The following KCNH1 variants were observed in gnomAD, a reference collection of about 807,000 sequenced individuals.
KCNH1 encodes potassium voltage-gated channel subfamily H member 1.
Under a neutral mutation model 69.2 loss-of-function variants are expected in KCNH1, and 27 were observed. That is an observed-to-expected ratio of 0.39 (90% CI 0.29 to 0.54). The LOEUF (loss-of-function observed/expected upper bound fraction) is 0.54. Among genes scored for constraint, KCNH1 ranks in the 20% least tolerant of loss-of-function variants. The pLI is 0.68. For synonymous variants in KCNH1, 456 were observed against 487.7 expected, an observed-to-expected ratio of 0.93 and a Z score of 0.86; for missense variants, 798 against 1,261.6, an observed-to-expected ratio of 0.63 and a Z score of 5.57.
At chr1:210,949,461 T>C (rs775868932) in intron 6 of KCNH1, among the ~76,000 whole-genome samples, 3 of 152,240 alleles carry the variant, frequency 2.0e-5, no homozygotes, top group African/African-American at 4.8e-5. Context: ...CTTTGCTTTA[T>C]TAAGCAAAGT....
chr1:210,716,123 G>C (rs1477564872), intron 10 of KCNH1, among the ~76,000 whole-genome samples: 2 of 152,074 alleles, frequency 1.3e-5, no homozygotes, highest in African/African-American at 4.8e-5. Context: ...TACTTGGGTA[G>C]ATCTTGCTTT....
intron 6 of KCNH1, among the ~76,000 whole-genome samples, chr1:210,978,493 C>A (rs1181235029): frequency 1.3e-5 from 2 of 152,126 alleles, no homozygotes; most frequent in African/African-American, 2.4e-5. Context: ...TCACACATTA[C>A]TGTTTCTTTG....
rs368207212 is a variant in KCNH1, at chr1:211,107,168, G to T, written c.203+86C>A. ...TGAATACACACTAAATGAGGTAAAG[G>T]CAATTCCCGAATGCAGTAAACCATT... On this transcript the variant is annotated intron_variant, in intron 2 of 10. Transcript: ENST00000271751. 223 of 1,462,696 alleles carry T rather than the reference G, an allele frequency of 1.5e-4. No homozygotes were observed. In the African/African-American group the frequency reaches 2.8e-3, roughly 18 times the overall value. The allele number at this position is 1,462,696 out of a possible 1,614,324, so 90.6% of individuals were successfully genotyped here. A position where few individuals can be genotyped will look rare whatever the true frequency, so the allele number is the denominator to read the frequency against.
chr1:210,982,629 A>G (rs943912137), intron 6 of KCNH1, among the ~76,000 whole-genome samples: 3 of 152,030 alleles, frequency 2.0e-5, no homozygotes, highest in Non-Finnish European at 4.4e-5. Flanking sequence ...ATAGTATTCC[A>G]TGGTGTATAT....
At chr1:211,084,400 C>T (rs1558597945) in intron 4 of KCNH1, among the ~76,000 whole-genome samples, 3 of 150,272 alleles carry the variant, frequency 2.0e-5, no homozygotes, top group South Asian at 2.1e-4. Context: ...CCACCACCAG[C>T]GTGATCTATA....
intron 7 of KCNH1, among the ~76,000 whole-genome samples, chr1:210,855,570 A>ACAGCTAAGTG (rs1166473493): frequency 1.3e-5 from 2 of 152,174 alleles, no homozygotes; most frequent in African/African-American, 4.8e-5. Flanking sequence ...AAAACACAGA[A>ACAGCTAAGTG]CAGCTAAGTG....
chr1:211,133,756 TAGC>T lies in KCNH1; in HGVS notation c.79+108_79+110del. ...CCTGGGTGCCCGCGCCGCGGCTCCTTAGCAGAGCTCGCGGGTTCTGCTGCATCT... is the reference window on the plus strand; with the variant it reads ...CCTGGGTGCCCGCGCCGCGGCTCCTTAGAGCTCGCGGGTTCTGCTGCATCT... On this transcript the variant is annotated intron_variant, in intron 1 of 10. Transcript: ENST00000271751. The surrounding 1 kb of genome is among the most constrained non-coding windows in gnomAD (Gnocchi z 5.4). 1 of 1,038,504 alleles carries T rather than the reference TAGC, an allele frequency of 9.6e-7. No individual in the cohort carries two copies. Among genetic ancestry groups the T allele is most frequent in the South Asian group, 1.4e-5 (1 of 69,432 alleles). 64.3% of individuals were successfully genotyped at this position (1,038,504 alleles called of 1,614,324 possible).
intron 7 of KCNH1, among the ~76,000 whole-genome samples, chr1:210,913,431 A>G (rs948841949): frequency 7.2e-5 from 11 of 152,196 alleles, no homozygotes; most frequent in Admixed American, 1.3e-4. Flanking sequence ...TGTTATTAAC[A>G]ACAATAAAAT....
At chr1:210,960,762 G>C (rs1239024137) in intron 6 of KCNH1, among the ~76,000 whole-genome samples, 1 of 152,108 alleles carries the variant, frequency 6.6e-6, no homozygotes, top group Non-Finnish European at 1.5e-5. Context: ...TTTCTCTTCA[G>C]TAAATAAAAG....
intron 10 of KCNH1, among the ~76,000 whole-genome samples, chr1:210,729,982 G>A (rs376369609): frequency 6.6e-6 from 1 of 152,048 alleles, no homozygotes; most frequent in African/African-American, 2.4e-5. Context: ...TGATGAGGTC[G>A]GTCAAGAGAG....
intron 1 of KCNH1, among the ~76,000 whole-genome samples, chr1:211,123,782 T>G: frequency 6.8e-6 from 1 of 146,812 alleles, no homozygotes; most frequent in South Asian, 2.2e-4. Flanking sequence ...GCCGCGGGAG[T>G]GAAAGACCAG....
At chr1:210,720,317 T>C (rs1046598992) in intron 10 of KCNH1, among the ~76,000 whole-genome samples, 3 of 152,194 alleles carry the variant, frequency 2.0e-5, no homozygotes, top group Non-Finnish European at 4.4e-5. Flanking sequence ...ACCAGAAATA[T>C]GAGCTAAGCC....
chr1:210,878,547 CAAA>C (rs1172196632), intron 7 of KCNH1, among the ~76,000 whole-genome samples: 1 of 151,914 alleles, frequency 6.6e-6, no homozygotes, highest in Non-Finnish European at 1.5e-5. Flanking sequence ...ACACATGACT[CAAA>C]GAAGGAATCT....
At chr1:210,977,553 A>C (rs1374439244) in intron 6 of KCNH1, among the ~76,000 whole-genome samples, 2 of 151,960 alleles carry the variant, frequency 1.3e-5, no homozygotes, top group East Asian at 3.9e-4. Context: ...TACTATTTTG[A>C]ATTTCTTAAT....
chr1:210,836,926 G>A (rs61851017), intron 7 of KCNH1, among the ~76,000 whole-genome samples: 68 of 152,248 alleles, frequency 4.5e-4, no homozygotes, highest in Non-Finnish European at 8.2e-4. Flanking sequence ...CCCTCTAAAT[G>A]TGTCTCCCTG....
rs555992215 is a variant in KCNH1 at position 210,680,403 on chromosome 1, T to G, written c.*2878A>C. 4.6e-5 allele frequency: 7 copies of G among 152,304 alleles called. No individual in the cohort carries two copies. Among genetic ancestry groups the G allele is most frequent in the African/African-American group, 1.7e-4 (7 of 41,574 alleles). 9.4% of individuals were successfully genotyped at this position (152,304 alleles called of 1,614,324 possible). A position where few individuals can be genotyped will look rare whatever the true frequency, so the allele number is the denominator to read the frequency against. On this transcript the variant is annotated 3_prime_UTR_variant, in exon 11 of 11. Transcript: ENST00000271751. ...CCTCAAAGAGGAAAAACATACATCC[T>G]GGGCAAATCTGTTCTCTCTTGGCAT...
At chr1:210,909,230 A>T (rs1687176280) in intron 7 of KCNH1, among the ~76,000 whole-genome samples, 1 of 152,238 alleles carries the variant, frequency 6.6e-6, no homozygotes, top group Non-Finnish European at 1.5e-5. Flanking sequence ...TTAGTTCTAC[A>T]AACAAACCCT....
intron 5 of KCNH1, among the ~76,000 whole-genome samples, chr1:211,020,385 A>C (rs1224397822): frequency 1.3e-5 from 2 of 152,050 alleles, no homozygotes; most frequent in African/African-American, 4.8e-5. Context: ...AACCTAGAGG[A>C]AATGGATAAA....
chr1:210,754,071 C>T (rs909626585), intron 10 of KCNH1, among the ~76,000 whole-genome samples: 11 of 151,952 alleles, frequency 7.2e-5, no homozygotes, highest in Non-Finnish European at 1.5e-4. Flanking sequence ...CCCGCCACTG[C>T]GCCTGGCTAA....
Sources: allele counts gnomAD v4.1 joint callset (sites outside exome capture counted in the v4.1 genomes callset), GRCh38; gene constraint gnomAD v4.1.1; non-coding constraint Gnocchi (gnomAD v3.1); transcripts MANE v1.5; gene names NCBI Gene and HGNC (gene_info 2026-07-23, HGNC 2026-07-21).